Variants in SLC44A3 observed in about 807,000 individuals in gnomAD.
SLC44A3 encodes the protein choline transporter-like protein 3.
In SLC44A3, 74 loss-of-function variants were observed where a neutral mutation model predicts 75.4. The ratio of observed to expected loss-of-function variants is 0.98; its 90% CI spans 0.81 to 1.19. The LOEUF (loss-of-function observed/expected upper bound fraction) is 1.19, where lower values mean the gene tolerates loss of function less well. Among genes scored for constraint, SLC44A3 ranks in the 50% most tolerant of loss-of-function variants. The pLI is 0.00. For synonymous variants in SLC44A3, 310 were observed against 296.9 expected (o/e 1.04, Z -0.45); for missense variants, 700 against 778.6 (o/e 0.90, Z 1.20).
At chr1:94,846,756 C>G (rs989310375) in intron 9 of SLC44A3, among the ~76,000 whole-genome samples, 1 of 152,246 alleles carries the variant, frequency 6.6e-6, no homozygotes, top group African/African-American at 2.4e-5. Flanking sequence ...GATACTGTCA[C>G]CAGACTGATA....
chr1:94,891,447 G>T (rs1670198814), intron 13 of SLC44A3, among the ~76,000 whole-genome samples, 180 bp downstream of exon 13: 1 of 152,116 alleles, frequency 6.6e-6, no homozygotes, highest in Non-Finnish European at 1.5e-5. Context: ...GAAAATGAAG[G>T]TTTAATAACC....
At chr1:94,842,652 G>C (rs1663812866) in intron 8 of SLC44A3, among the ~76,000 whole-genome samples, 1 of 152,234 alleles carries the variant, frequency 6.6e-6, no homozygotes, top group African/African-American at 2.4e-5. Flanking sequence ...GTGGTGGGTG[G>C]TTGGCAACCA....
At position 94,895,045 on chromosome 1, in the gene SLC44A3, T is replaced by A. The variant is rs1670623716; in HGVS notation, c.*123T>A. 3.1e-6 allele frequency: 2 copies of A among 649,278 alleles called. No individual in the cohort carries two copies. The highest frequency in any genetic ancestry group is 5.5e-5 in the East Asian group (2 of 36,320). The allele number at this position is 649,278 out of a possible 1,614,324, so 40.2% of individuals were successfully genotyped here. A position where few individuals can be genotyped will look rare whatever the true frequency, so the allele number is the denominator to read the frequency against. ...TTTTAAAAGACCTAATAAACCCTAT[T>A]CTTCCTCATTGTCTTTGTCATTATT... On this transcript the variant is annotated 3_prime_UTR_variant, in exon 15 of 15. Coordinates refer to ENST00000271227, the MANE Select transcript of SLC44A3 (RefSeq NM_001114106.3).
intron 12 of SLC44A3, among the ~76,000 whole-genome samples, chr1:94,889,687 G>C (rs908686160): frequency 6.6e-6 from 1 of 152,080 alleles, no homozygotes; most frequent in Non-Finnish European, 1.5e-5. Context: ...ACATGTCCCA[G>C]CTACACACAT....
chr1:94,872,095 A>AT (rs1667819960), intron 12 of SLC44A3, among the ~76,000 whole-genome samples: 2 of 151,904 alleles, frequency 1.3e-5, no homozygotes, highest in South Asian at 4.2e-4. Context: ...TATTCCATTT[A>AT]TTTTTTTATT....
chr1:94,849,131 G>A (rs546889811), intron 9 of SLC44A3, among the ~76,000 whole-genome samples: 1 of 152,302 alleles, frequency 6.6e-6, no homozygotes, highest in Admixed American at 6.5e-5. Context: ...GAGAGACCTG[G>A]AGGTTATTCT....
chr1:94,861,928 T>C (rs1666628420), intron 10 of SLC44A3, among the ~76,000 whole-genome samples: 1 of 152,118 alleles, frequency 6.6e-6, no homozygotes, highest in Admixed American at 6.5e-5. Context: ...AGGTGTGACT[T>C]CATCATCATT....
intron 9 of SLC44A3, among the ~76,000 whole-genome samples, chr1:94,853,695 AG>A (rs1450585358): frequency 6.6e-6 from 1 of 152,168 alleles, no homozygotes; most frequent in Non-Finnish European, 1.5e-5. Context: ...CAGTTTTCTC[AG>A]TGAAACAGGA....
chr1:94,833,627 G>A (rs375330627), intron 5 of SLC44A3, among the ~76,000 whole-genome samples: 1 of 152,120 alleles, frequency 6.6e-6, no homozygotes, highest in Non-Finnish European at 1.5e-5. Flanking sequence ...TGTTAAAGCC[G>A]CTCACCCTCC....
At chr1:94,873,747 T>C (rs970917387) in intron 12 of SLC44A3, among the ~76,000 whole-genome samples, 2 of 152,224 alleles carry the variant, frequency 1.3e-5, no homozygotes, top group East Asian at 1.9e-4. Flanking sequence ...CCCAAGCCAG[T>C]TGGCAGATCT....
At chr1:94,823,186 C>T (rs1177215035) in intron 2 of SLC44A3, among the ~76,000 whole-genome samples, 1 of 152,128 alleles carries the variant, frequency 6.6e-6, no homozygotes, top group Non-Finnish European at 1.5e-5. Flanking sequence ...TGGGCAGAAG[C>T]ACATGACCCC....
chr1:94,894,909 C>T lies in SLC44A3; in HGVS notation c.1949C>T (p.Ala650Val), dbSNP rs746680544. 1.2e-6 allele frequency: 2 copies of T among 1,610,178 alleles called. No homozygotes were observed. Among genetic ancestry groups the T allele is most frequent in the Non-Finnish European group, 1.7e-6 (2 of 1,177,682 alleles). The part of the protein sequence containing the change: ...LRNEEGTELQ[A>V]IVR Reference sequence around the variant, plus strand: ...AATGAGGAGGGAACAGAACTCCAGGCCATTGTGAGATAGATACCCATTTAG... The same window carrying T: ...AATGAGGAGGGAACAGAACTCCAGGTCATTGTGAGATAGATACCCATTTAG... The change falls in exon 15 of 15, where the codon GCC (alanine) becomes GTC (valine). Residue 650 changes from alanine (A) to valine (V), a missense_variant. Ala to Val is a moderately conservative substitution (Grantham distance 64, BLOSUM62 0). Coordinates refer to ENST00000271227, the MANE Select transcript of SLC44A3 (RefSeq NM_001114106.3).
At position 94,837,783 on chromosome 1, in the gene SLC44A3, G is replaced by A; in HGVS notation, c.582G>A (p.Leu194=). The A allele has an allele frequency of 6.2e-7, 1 of 1,612,376 alleles. No individual in the cohort carries two copies. Among genetic ancestry groups the A allele is most frequent in the Non-Finnish European group, 8.5e-7 (1 of 1,179,466 alleles). Residue 194 remains leucine (L), a synonymous_variant, in exon 6 of 15, where the codon TTG becomes TTA. Transcript: ENST00000271227. ...GCTACTCCCTATTTGCATCTGTTTTGATAAATGATGTTGACACCCTCCACC... is the reference window on the plus strand; with the variant it reads ...GCTACTCCCTATTTGCATCTGTTTTAATAAATGATGTTGACACCCTCCACC... The part of the protein sequence containing the change: ...PECYSLFASV[L]INDVDTLHRI...
chr1:94,828,686 G>GA (rs1661706663), intron 5 of SLC44A3, 100 bp downstream of exon 5: 1 of 1,041,396 alleles, frequency 9.6e-7, no homozygotes, highest in Admixed American at 2.2e-5. Context: ...GGAGATATCA[G>GA]AAGAGCCCCT....
chr1:94,839,647 C>T (rs1188592463), intron 6 of SLC44A3, among the ~76,000 whole-genome samples: 1 of 152,126 alleles, frequency 6.6e-6, no homozygotes, highest in African/African-American at 2.4e-5. Flanking sequence ...CCTCGGCCTC[C>T]CAAAGTGCTG....
Position 94,827,600 on chromosome 1 carries a change from G to A in SLC44A3, c.372G>A (p.Gln124=). Residue 124 remains glutamine (Q), a synonymous_variant, in exon 4 of 15, where the codon CAG becomes CAA. Transcript: ENST00000271227. ...ALCVSNCPEE[Q]LDSLEEVQFF... ...GTGTATCCAACTGCCCTGAAGAGCA[G>A]CTTGACTCCCTGGAAGAGGTCCAGT... 1 of 1,614,194 alleles carries A rather than the reference G, an allele frequency of 6.2e-7. No individual in the cohort carries two copies. The highest frequency in any genetic ancestry group is 8.5e-7 in the Non-Finnish European group (1 of 1,180,030).
chr1:94,884,466 ATT>A (rs1033243983), intron 12 of SLC44A3, among the ~76,000 whole-genome samples: 1 of 151,924 alleles, frequency 6.6e-6, no homozygotes, highest in Non-Finnish European at 1.5e-5. Context: ...ATTTCACTGT[ATT>A]TTTTTTCAGT....
chr1:94,828,232 C>T lies in SLC44A3; in HGVS notation c.416-261C>T, dbSNP rs189374744. Among the ~76,000 whole-genome samples the T allele has an allele frequency of 1.1e-4, 16 of 152,292 alleles. No homozygotes were observed. The East Asian group carries it at 1.5e-3, about 15-fold the overall frequency. On this transcript the variant is annotated intron_variant, in intron 4 of 14. Transcript: ENST00000271227. Reference sequence around the variant, plus strand: ...CCAGGTTTAAACTATCAAGCTTCTACAAGAAATTGTTTTCAAATATGCTTC... The same window carrying T: ...CCAGGTTTAAACTATCAAGCTTCTATAAGAAATTGTTTTCAAATATGCTTC...
rs1206012176 is a variant in SLC44A3 at position 94,892,446 on chromosome 1, T to C, written c.1786T>C (p.Cys596Arg). The C allele has an allele frequency of 1.2e-6, 2 of 1,614,102 alleles. No individual in the cohort carries two copies. Among genetic ancestry groups the C allele is most frequent in the Non-Finnish European group, 1.7e-6 (2 of 1,180,040 alleles). ...AACTGTGCTGGATGCACTTTTCCTGTGTTTTGCTGTTGATCTGGAAACAAA... is the reference window on the plus strand; with the variant it reads ...AACTGTGCTGGATGCACTTTTCCTGCGTTTTGCTGTTGATCTGGAAACAAA... ...FETVLDALFLCFAVDLETNDG... is the reference protein window; with the variant it reads ...FETVLDALFLRFAVDLETNDG... Residue 596 changes from cysteine to arginine, a missense_variant, in exon 14 of 15, where the codon TGT becomes CGT. Coordinates refer to ENST00000271227, the MANE Select transcript of SLC44A3 (RefSeq NM_001114106.3).
Sources: allele counts gnomAD v4.1 joint callset (sites outside exome capture counted in the v4.1 genomes callset), GRCh38; gene constraint gnomAD v4.1.1; transcripts MANE v1.5; gene names NCBI Gene and HGNC (gene_info 2026-07-23, HGNC 2026-07-21).